The following SEC13 variants were observed in gnomAD, a reference collection of about 807,000 sequenced individuals.
SEC13 encodes SEC13 homolog, nuclear pore and COPII component, also known as protein SEC13 homolog.
A neutral mutation model predicts 49.2 loss-of-function variants in SEC13; 25 were observed. The observed-to-expected ratio is 0.51, with a 90% CI of 0.37 to 0.71. The LOEUF (loss-of-function observed/expected upper bound fraction) is 0.71, where lower values mean the gene tolerates loss of function less well. Among genes scored for constraint, SEC13 ranks in the 30% least tolerant of loss-of-function variants. SEC13 has a pLI of 0.00. For missense variants in SEC13, 383 were observed against 417.6 expected (o/e 0.92, Z 0.72); for synonymous variants, 148 against 163.9 (o/e 0.90, Z 0.74).
At position 10,311,829 on chromosome 3, in the gene SEC13, A is replaced by G. The variant is rs1701276147; in HGVS notation, c.450+136T>C. 3.2e-6 allele frequency: 5 copies of G among 1,562,032 alleles called. No individual in the cohort carries two copies. In the South Asian group the frequency reaches 6.0e-5, roughly 19 times the overall value. Reference sequence around the variant, plus strand: ...AGAGGCTCAAAGCTGCTCTAGAGCAATCATGTCTGGTCAGCTGACCACTCC... The same window carrying G: ...AGAGGCTCAAAGCTGCTCTAGAGCAGTCATGTCTGGTCAGCTGACCACTCC... On this transcript the variant is annotated intron_variant, in intron 5 of 8. Coordinates refer to ENST00000350697, the MANE Select transcript of SEC13 (RefSeq NM_183352.3).
intron 1 of SEC13, 100 bp from the exon 2 acceptor site, chr3:10,318,194 C>A: frequency 1.2e-6 from 1 of 800,038 alleles, no homozygotes; most frequent in East Asian, 2.5e-5. Flanking sequence ...CTCATTCATT[C>A]ATTCATTCAG....
chr3:10,320,715 C>A (rs2059760859), intron 1 of SEC13: 2 of 1,183,424 alleles, frequency 1.7e-6, no homozygotes, highest in Non-Finnish European at 2.1e-6. Flanking sequence ...TGTTAGCAGG[C>A]GGAGATTACG....
At chr3:10,302,415 TA>T (rs956262626) in intron 8 of SEC13, among the ~76,000 whole-genome samples, 9 of 152,220 alleles carry the variant, frequency 5.9e-5, no homozygotes, top group Admixed American at 6.5e-5. Flanking sequence ...GTAAGGGTGC[TA>T]TGGAGACAGC....
At position 10,304,028 on chromosome 3, in the gene SEC13, T is replaced by G. The variant is rs1224416441; in HGVS notation, c.853A>C (p.Lys285Gln). The part of the protein sequence containing the change: ...NILAVSGGDN[K>Q]VTLWKESVDG... ...TGCCACGGGGAATGGGTATGTACCT[T>G]ATTGTCTCCACCAGAGACAGCCAGG... is the stretch of plus-strand genomic sequence containing the variant. Residue 285 changes from lysine (K) to glutamine (Q), a missense_variant and splice_region_variant, in exon 8 of 9, where the codon AAG becomes CAG. By Grantham distance (53) the Lys-to-Gln change is moderately conservative. Coordinates refer to ENST00000350697, the MANE Select transcript of SEC13 (RefSeq NM_183352.3). 6.2e-7 allele frequency: 1 copy of G among 1,613,860 alleles called. No individual in the cohort carries two copies. The highest frequency in any genetic ancestry group is 1.3e-5 in the African/African-American group (1 of 74,894).
intron 1 of SEC13, chr3:10,319,086 G>T: frequency 1.4e-6 from 2 of 1,477,352 alleles, no homozygotes; most frequent in South Asian, 1.3e-5. Flanking sequence ...TAAATTCTTG[G>T]GATAGAAAAG....
At chr3:10,308,357 T>G (rs1435959025) in intron 5 of SEC13, among the ~76,000 whole-genome samples, 1 of 152,208 alleles carries the variant, frequency 6.6e-6, no homozygotes, top group African/African-American at 2.4e-5. Context: ...CATAATTATT[T>G]TGAAATTTAT....
At chr3:10,312,315 T>C (rs1209008719) in intron 4 of SEC13, among the ~76,000 whole-genome samples, 1 of 152,190 alleles carries the variant, frequency 6.6e-6, no homozygotes, top group Non-Finnish European at 1.5e-5. Context: ...AAAAAGTGGG[T>C]AGGAAAACAA....
At chr3:10,306,845 G>A (rs1374995523) in intron 5 of SEC13, among the ~76,000 whole-genome samples, 2 of 152,186 alleles carry the variant, frequency 1.3e-5, no homozygotes, top group Non-Finnish European at 2.9e-5. Flanking sequence ...TGCCATGACT[G>A]TGAGGTTTCC....
intron 2 of SEC13, among the ~76,000 whole-genome samples, chr3:10,317,308 C>G (rs1398260331): frequency 4.6e-5 from 7 of 152,148 alleles, no homozygotes; most frequent in Admixed American, 4.6e-4. Context: ...TGGGACCAGA[C>G]AACCTCTCAG....
chr3:10,304,019 T>A lies in SEC13; in HGVS notation c.855+7A>T. 1 of 1,613,806 alleles carries A rather than the reference T, an allele frequency of 6.2e-7. No homozygotes were observed. Among genetic ancestry groups the A allele is most frequent in the Non-Finnish European group, 8.5e-7 (1 of 1,179,988 alleles). On this transcript the variant is annotated splice_region_variant and intron_variant, in intron 8 of 8. Transcript: ENST00000350697. ...TGTCCACCATGCCACGGGGAATGGG[T>A]ATGTACCTTATTGTCTCCACCAGAG... is the stretch of plus-strand genomic sequence containing the variant.
rs746506532 is a variant in SEC13 at position 10,304,189 on chromosome 3, TAG to T, written c.709-19_709-18del. 60 of 1,613,324 alleles carry T rather than the reference TAG, an allele frequency of 3.7e-5. No individual in the cohort carries two copies. The highest frequency in any genetic ancestry group is 4.5e-5 in the Non-Finnish European group (53 of 1,179,628). Reference sequence around the variant, plus strand: ...ACGACCATCCTAGGAAGAAACAGGATAGAGTCAGGAGGTGGAGTCAAGACTCC... The same window carrying T: ...ACGACCATCCTAGGAAGAAACAGGATAGTCAGGAGGTGGAGTCAAGACTCC... On this transcript the variant is annotated intron_variant, in intron 7 of 8. Coordinates refer to ENST00000350697, the MANE Select transcript of SEC13 (RefSeq NM_183352.3).
At chr3:10,318,175 G>T in intron 1 of SEC13, 81 bp from the exon 2 acceptor site, 3 of 917,072 alleles carry the variant, frequency 3.3e-6, no homozygotes, top group Non-Finnish European at 3.6e-6. Context: ...GCATTTGTTT[G>T]TTCACTCACT....
chr3:10,309,549 CT>C (rs1454606152), intron 5 of SEC13, among the ~76,000 whole-genome samples: 9 of 152,108 alleles, frequency 5.9e-5, no homozygotes, highest in African/African-American at 2.2e-4. Context: ...AATTCTAATT[CT>C]TTCCTGAGTT....
intron 7 of SEC13, among the ~76,000 whole-genome samples, chr3:10,304,737 G>T (rs697231): frequency 4.5e-4 from 68 of 152,160 alleles, no homozygotes; most frequent in African/African-American, 1.5e-3. Context: ...ACTTGGAACT[G>T]CACCTGGGCA....
chr3:10,308,538 G>GTCT (rs1423006970), intron 5 of SEC13, among the ~76,000 whole-genome samples: 1 of 152,024 alleles, frequency 6.6e-6, no homozygotes, highest in Middle Eastern at 3.2e-3. Context: ...TTGTGTATAA[G>GTCT]TCTTTGTGTG....
intron 8 of SEC13, among the ~76,000 whole-genome samples, chr3:10,303,338 C>A (rs1326628850): frequency 6.6e-6 from 1 of 152,256 alleles, no homozygotes; most frequent in Non-Finnish European, 1.5e-5. Context: ...GTTAGAGATC[C>A]TCTGTCTTAT....
At chr3:10,311,918 G>T (rs1701285186) in intron 5 of SEC13, 47 bp downstream of exon 5, 1 of 1,613,922 alleles carries the variant, frequency 6.2e-7, no homozygotes, top group African/African-American at 1.3e-5. Context: ...GCAGACACGG[G>T]GCAAGGCAGG....
intron 3 of SEC13, 120 bp downstream of exon 3, chr3:10,315,201 G>A (rs1194280292): frequency 3.1e-5 from 22 of 717,256 alleles, no homozygotes; most frequent in South Asian, 7.1e-5. Flanking sequence ...CGTCCTCTCC[G>A]CTAAATGTGC....
At chr3:10,320,451 C>G in intron 1 of SEC13, 1 of 917,248 alleles carries the variant, frequency 1.1e-6, no homozygotes, top group Non-Finnish European at 1.3e-6. Context: ...AACCCTGAGC[C>G]CCTGCCTTCG....
Sources: allele counts gnomAD v4.1 joint callset (sites outside exome capture counted in the v4.1 genomes callset), GRCh38; gene constraint gnomAD v4.1.1; transcripts MANE v1.5; gene names NCBI Gene and HGNC (gene_info 2026-07-23, HGNC 2026-07-21).